The following MYO3B variants were observed in gnomAD, a reference collection of about 807,000 sequenced individuals.
The protein encoded by MYO3B is myosin-IIIb.
MYO3B carries 156 observed loss-of-function variants against 174.6 expected under a neutral mutation model. That is an observed-to-expected ratio of 0.89 (90% confidence interval 0.78 to 1.02). The LOEUF (loss-of-function observed/expected upper bound fraction) is 1.02. MYO3B is among the 50% of genes least tolerant of loss of function. The pLI, the probability that MYO3B is intolerant of heterozygous loss-of-function variation, is 0.00. For missense variants in MYO3B, 1,632 were observed against 1,639.4 expected, an observed-to-expected ratio of 1.00 and a Z score of 0.08; for synonymous variants, 563 against 569.1, an observed-to-expected ratio of 0.99 and a Z score of 0.15.
At chr2:170,321,974 C>T (rs898564847) in intron 7 of MYO3B, among the ~76,000 whole-genome samples, 5 of 151,986 alleles carry the variant, frequency 3.3e-5, no homozygotes, top group Admixed American at 6.5e-5. Context: ...ATTAGCTGGG[C>T]GTGGTGGCAC....
chr2:170,523,125 A>G (rs1042258241), intron 30 of MYO3B, among the ~76,000 whole-genome samples: 2 of 152,124 alleles, frequency 1.3e-5, no homozygotes, highest in African/African-American at 2.4e-5. Flanking sequence ...GCCTGGTGTT[A>G]TGGTTGACCT....
At chr2:170,642,060 G>A (rs1698014671) in intron 32 of MYO3B, among the ~76,000 whole-genome samples, 1 of 152,040 alleles carries the variant, frequency 6.6e-6, no homozygotes, top group Admixed American at 6.6e-5. Flanking sequence ...AGGTATCCCA[G>A]GATACGAAAG....
intron 7 of MYO3B, among the ~76,000 whole-genome samples, chr2:170,244,956 C>A (rs929564326): frequency 6.6e-6 from 1 of 152,110 alleles, no homozygotes; most frequent in African/African-American, 2.4e-5. Context: ...TGTTGAGGAA[C>A]ACTGGATAAT....
Position 170,388,534 on chromosome 2 carries a change from A to G in MYO3B, c.1577+1226A>G, listed in dbSNP as rs763284411. On this transcript the variant is annotated intron_variant, in intron 14 of 34. Transcript: ENST00000408978. ...CTTTGGAACCAGGATAAGGATCTCAAACTTTTTTCTAAGGGCAATAGGAAG... is the reference window on the plus strand; with the variant it reads ...CTTTGGAACCAGGATAAGGATCTCAGACTTTTTTCTAAGGGCAATAGGAAG... 5.9e-5 allele frequency among the ~76,000 whole-genome samples: 9 copies of G among 152,150 alleles called. No homozygotes were observed. The East Asian group carries it at 1.3e-3, about 23-fold the overall frequency.
intron 9 of MYO3B, among the ~76,000 whole-genome samples, chr2:170,374,590 C>T (rs1231065535): frequency 6.6e-6 from 1 of 152,078 alleles, no homozygotes; most frequent in Non-Finnish European, 1.5e-5. Flanking sequence ...TCATGGAGGG[C>T]TTGTTCACAT....
chr2:170,442,469 C>T (rs900751853), intron 22 of MYO3B, among the ~76,000 whole-genome samples: 4 of 148,816 alleles, frequency 2.7e-5, no homozygotes, highest in Non-Finnish European at 4.5e-5. Context: ...TTGATTGTCC[C>T]TCTTCTTGTT....
intron 25 of MYO3B, among the ~76,000 whole-genome samples, chr2:170,488,687 T>G (rs7578981): frequency 0.8 from 122,241 of 152,180 alleles, 49,378 homozygotes; most frequent in African/African-American, 0.89. Context: ...CTGCAGTGGG[T>G]AGGAAGTCAA....
chr2:170,195,473 C>A (rs1025713401), intron 1 of MYO3B, among the ~76,000 whole-genome samples: 1 of 152,050 alleles, frequency 6.6e-6, no homozygotes, highest in South Asian at 2.1e-4. Flanking sequence ...CATCTTCCCA[C>A]CCCATCCCCA....
At chr2:170,194,568 T>G (rs2092577355) in intron 1 of MYO3B, among the ~76,000 whole-genome samples, 1 of 152,174 alleles carries the variant, frequency 6.6e-6, no homozygotes, top group African/African-American at 2.4e-5. Flanking sequence ...GTTTTGAATG[T>G]TAACTGGAGA....
intron 32 of MYO3B, among the ~76,000 whole-genome samples, chr2:170,590,136 T>C (rs1369086196): frequency 6.6e-6 from 1 of 152,212 alleles, no homozygotes; most frequent in African/African-American, 2.4e-5. Flanking sequence ...CTCAGAACAT[T>C]ATCCCCATCA....
intron 32 of MYO3B, among the ~76,000 whole-genome samples, chr2:170,583,859 C>A (rs888228795): frequency 6.6e-6 from 1 of 152,106 alleles, no homozygotes; most frequent in African/African-American, 2.4e-5. Flanking sequence ...AGGAAAAAAT[C>A]TTTTCCATCT....
chr2:170,200,595 T>C (rs891064763), intron 3 of MYO3B, among the ~76,000 whole-genome samples: 1 of 152,228 alleles, frequency 6.6e-6, no homozygotes, highest in African/African-American at 2.4e-5. Context: ...TTGAATTGAT[T>C]GCAACTCATT....
intron 16 of MYO3B, among the ~76,000 whole-genome samples, chr2:170,398,228 G>GAAA (rs34432719): frequency 4.5e-5 from 4 of 87,952 alleles, no homozygotes; most frequent in African/African-American, 9.0e-5. Flanking sequence ...TGTCTCAAAA[G>GAAA]AAAAAAAAAA....
intron 7 of MYO3B, among the ~76,000 whole-genome samples, chr2:170,325,308 A>G (rs1169113404): frequency 6.6e-6 from 1 of 152,060 alleles, no homozygotes; most frequent in African/African-American, 2.4e-5. Context: ...CCCAGGTTCA[A>G]GCAATTCTCC....
chr2:170,570,673 G>A (rs10187548), intron 32 of MYO3B, among the ~76,000 whole-genome samples: 61,857 of 152,084 alleles, frequency 0.41, 13,040 homozygotes, highest in Non-Finnish European at 0.46. Context: ...TAAGGCCAGC[G>A]GGGCTGATTT....
intron 6 of MYO3B, among the ~76,000 whole-genome samples, chr2:170,225,490 A>G (rs997554908): frequency 6.6e-6 from 1 of 152,242 alleles, no homozygotes; most frequent in Non-Finnish European, 1.5e-5. Context: ...TAATATTTCA[A>G]TCTGATGCTA....
chr2:170,556,650 T>C (rs1290525341), intron 32 of MYO3B, among the ~76,000 whole-genome samples: 1 of 152,160 alleles, frequency 6.6e-6, no homozygotes, highest in African/African-American at 2.4e-5. Flanking sequence ...GCTTCCCAAG[T>C]AGCTGGGATT....
chr2:170,362,623 G>C (rs1190668091), intron 8 of MYO3B, among the ~76,000 whole-genome samples: 5 of 152,068 alleles, frequency 3.3e-5, no homozygotes, highest in Non-Finnish European at 7.4e-5. Context: ...GATAACCATA[G>C]ACCTGCCTAA....
intron 7 of MYO3B, among the ~76,000 whole-genome samples, chr2:170,238,078 A>T (rs1005639378): frequency 4.6e-5 from 7 of 152,116 alleles, no homozygotes; most frequent in African/African-American, 1.7e-4. Context: ...AACCAGGAAA[A>T]ATATGTTGGG....
Sources: gnomAD v4.1 joint callset for allele counts (sites outside exome capture counted in the v4.1 genomes callset) on GRCh38, gnomAD v4.1.1 for gene constraint, MANE v1.5 for transcripts, NCBI Gene and HGNC (gene_info 2026-07-23, HGNC 2026-07-21) for gene names.